The following CABIN1 variants were observed in gnomAD, a reference collection of about 807,000 sequenced individuals.
The protein encoded by CABIN1 is calcineurin binding protein 1, also known as calcineurin-binding protein cabin-1.
Under a neutral mutation model 227.7 loss-of-function variants are expected in CABIN1, and 133 were observed. The ratio of observed to expected loss-of-function variants is 0.58; its 90% confidence interval spans 0.51 to 0.67. CABIN1 has a LOEUF of 0.67. Among genes scored for constraint, CABIN1 ranks in the 30% least tolerant of loss-of-function variants. The pLI is 0.00. For synonymous variants in CABIN1, 1,086 were observed against 1,155.1 expected (o/e 0.94, Z 1.21); for missense variants, 2,408 against 2,852.5 (o/e 0.84, Z 3.55).
chr22:24,115,527 A>G (rs2043034479), intron 27 of CABIN1, among the ~76,000 whole-genome samples: 1 of 152,168 alleles, frequency 6.6e-6, no homozygotes, highest in African/African-American at 2.4e-5. Context: ...ATGGTGGTGA[A>G]GTTGATCAAC....
At chr22:24,160,880 C>T (rs2046114029) in intron 29 of CABIN1, among the ~76,000 whole-genome samples, 1 of 152,244 alleles carries the variant, frequency 6.6e-6, no homozygotes, top group African/African-American at 2.4e-5. Context: ...GCTGGCCCGG[C>T]AGCATCCTAC....
At chr22:24,017,098 G>A (rs938587772) in intron 1 of CABIN1, among the ~76,000 whole-genome samples, 3 of 145,726 alleles carry the variant, frequency 2.1e-5, no homozygotes, top group East Asian at 2.0e-4. Flanking sequence ...GTGCAATGGC[G>A]CGATCTCGGC....
chr22:24,081,454 G>A (rs1306928881), intron 19 of CABIN1, among the ~76,000 whole-genome samples: 1 of 152,092 alleles, frequency 6.6e-6, no homozygotes, highest in Non-Finnish European at 1.5e-5. Flanking sequence ...AAGTTCTGTG[G>A]TACCTCGAGT....
At chr22:24,053,240 G>T (rs1160693225) in intron 8 of CABIN1, among the ~76,000 whole-genome samples, 1 of 151,660 alleles carries the variant, frequency 6.6e-6, no homozygotes, top group Non-Finnish European at 1.5e-5. Flanking sequence ...ACCACGCCCG[G>T]CTAATTTTTT....
intron 1 of CABIN1, among the ~76,000 whole-genome samples, chr22:24,013,439 C>T (rs1367952149): frequency 1.3e-5 from 2 of 152,008 alleles, no homozygotes; most frequent in Non-Finnish European, 2.9e-5. Flanking sequence ...CCTCATGATC[C>T]GCCCGCCTCG....
intron 1 of CABIN1, among the ~76,000 whole-genome samples, chr22:24,017,172 G>A (rs1038771763): frequency 6.6e-6 from 1 of 151,726 alleles, no homozygotes; most frequent in Non-Finnish European, 1.5e-5. Flanking sequence ...GAGTAGCTGG[G>A]ACTACAGGCG....
intron 23 of CABIN1, among the ~76,000 whole-genome samples, chr22:24,090,567 T>TTCTC (rs1229580122): frequency 3.4e-5 from 5 of 147,184 alleles, no homozygotes; most frequent in Non-Finnish European, 4.4e-5. Context: ...GAGCACTGGG[T>TTCTC]AGCACATTGC....
chr22:24,029,929 C>T (rs1484067133), intron 1 of CABIN1, among the ~76,000 whole-genome samples: 2 of 152,154 alleles, frequency 1.3e-5, no homozygotes, highest in East Asian at 1.9e-4. Context: ...TGCTGCCCAC[C>T]AGCTGGGCAG....
chr22:24,157,123 A>G (rs2045877960), intron 29 of CABIN1, among the ~76,000 whole-genome samples: 1 of 152,090 alleles, frequency 6.6e-6, no homozygotes, highest in African/African-American at 2.4e-5. Context: ...CCTGTGTACA[A>G]CCCTGCGGCC....
chr22:24,063,701 G>A (rs116715354), intron 14 of CABIN1, among the ~76,000 whole-genome samples: 73 of 152,298 alleles, frequency 4.8e-4, no homozygotes, highest in African/African-American at 1.6e-3. Context: ...TCTAAAGAAA[G>A]CAACACTGTT....
At chr22:24,078,712 C>A (rs889594179) in intron 19 of CABIN1, among the ~76,000 whole-genome samples, 1 of 152,150 alleles carries the variant, frequency 6.6e-6, no homozygotes. Flanking sequence ...TGTGTGCCCA[C>A]CCCCCTTCTG....
chr22:24,176,007 C>T (rs1569328489), intron 34 of CABIN1, 104 bp from the exon 35 acceptor site: 3 of 1,343,272 alleles, frequency 2.2e-6, no homozygotes, highest in Non-Finnish European at 1.0e-6. Flanking sequence ...CTCCCCTGCC[C>T]AGTGTCCCAG....
rs139876337 is a variant in CABIN1, at chr22:24,072,990, A to G, written c.2632+480A>G. 4.6e-5 allele frequency among the ~76,000 whole-genome samples: 7 copies of G among 152,290 alleles called. No homozygotes were observed. The South Asian group carries it at 1.2e-3, about 27-fold the overall frequency. On this transcript the variant is annotated intron_variant, in intron 18 of 36. Coordinates refer to ENST00000263119, the MANE Select transcript of CABIN1 (RefSeq NM_012295.4). ...CCATACCCATATTGGGAATAATAAT[A>G]TCTACCTCAGAAGGTTATTCTGAGG...
intron 10 of CABIN1, 27 bp downstream of exon 10, chr22:24,056,387 GAAAC>G (rs1569138346): frequency 6.2e-7 from 1 of 1,611,774 alleles, no homozygotes; most frequent in Middle Eastern, 1.7e-4. Flanking sequence ...CTGATTGTCA[GAAAC>G]AAACCCACAA....
In CABIN1 at chr22:24,070,979, T is replaced by A. The variant is rs1411646145; in HGVS notation, c.2412T>A (p.Gly804=). ...IEQALSADSS[G]SILKVSSSTT... is the part of the protein sequence containing the mutation. Reference sequence around the variant, plus strand: ...AGGCCCTCTCTGCGGACAGCAGTGGTAGCATCCTGAAGGTATCATCCTCCA... The same window carrying A: ...AGGCCCTCTCTGCGGACAGCAGTGGAAGCATCCTGAAGGTATCATCCTCCA... Residue 804 remains glycine (G), a synonymous_variant, in exon 17 of 37, where the codon GGT becomes GGA. Transcript: ENST00000263119. 6.2e-7 allele frequency: 1 copy of A among 1,614,188 alleles called. No homozygotes were observed. Among genetic ancestry groups the A allele is most frequent in the East Asian group, 2.2e-5 (1 of 44,882 alleles).
chr22:24,119,829 G>A (rs2043297773), intron 28 of CABIN1, 131 bp downstream of exon 28: 1 of 949,656 alleles, frequency 1.1e-6, no homozygotes, highest in Non-Finnish European at 1.7e-6. Flanking sequence ...GGCGAGGAGA[G>A]CTGCAGGAGG....
intron 26 of CABIN1, among the ~76,000 whole-genome samples, chr22:24,112,323 T>G (rs1326736939): frequency 6.6e-6 from 1 of 152,214 alleles, no homozygotes; most frequent in Non-Finnish European, 1.5e-5. Context: ...TGGCTTGGGT[T>G]TTGTTGTTGC....
intron 1 of CABIN1, among the ~76,000 whole-genome samples, chr22:24,012,321 AT>A (rs531563141): frequency 1.3e-5 from 2 of 151,988 alleles, no homozygotes; most frequent in East Asian, 1.9e-4. Context: ...ACGTGTCATG[AT>A]TTTTTTTCCC....
At chr22:24,171,629 A>T (rs939671924) in intron 33 of CABIN1, 84 bp from the exon 34 acceptor site, 1 of 1,522,042 alleles carries the variant, frequency 6.6e-7, no homozygotes, top group Non-Finnish European at 9.1e-7. Flanking sequence ...GTCCTGTGGG[A>T]CAGCACTGGT....
Sources: allele counts gnomAD v4.1 joint callset (sites outside exome capture counted in the v4.1 genomes callset), GRCh38; gene constraint gnomAD v4.1.1; transcripts MANE v1.5; gene names NCBI Gene and HGNC (gene_info 2026-07-23, HGNC 2026-07-21).